Variants in NAALADL2 observed in about 807,000 individuals in gnomAD.
NAALADL2 encodes the protein inactive N-acetylated-alpha-linked acidic dipeptidase-like protein 2.
In NAALADL2, 76 loss-of-function variants were observed where a neutral mutation model predicts 87.2. The ratio of observed to expected loss-of-function variants is 0.87; its 90% CI spans 0.72 to 1.05. NAALADL2 has a LOEUF of 1.05. Among genes scored for constraint, NAALADL2 ranks in the 50% least tolerant of loss-of-function variants. The pLI, the probability that NAALADL2 is intolerant of heterozygous loss-of-function variation, is 0.00. For synonymous variants in NAALADL2, 354 were observed against 331.0 expected (o/e 1.07, Z -0.75); for missense variants, 1,089 against 945.8 (o/e 1.15, Z -1.99).
At chr3:174,926,319 A>G (rs1736031137) in intron 1 of NAALADL2, among the ~76,000 whole-genome samples, 1 of 152,212 alleles carries the variant, frequency 6.6e-6, no homozygotes, top group Non-Finnish European at 1.5e-5. Flanking sequence ...CAATCTAGCA[A>G]GGCAGGCCAA....
Position 175,161,459 on chromosome 3 carries a change from A to G in NAALADL2, c.545+64168A>G, listed in dbSNP as rs765811913. Among the ~76,000 whole-genome samples, 54 of 152,290 alleles carry G rather than the reference A, an allele frequency of 3.5e-4. 1 individual carries two copies. The highest frequency in any genetic ancestry group is 2.4e-3 in the Admixed American group (37 of 15,274). On this transcript the variant is annotated intron_variant, in intron 2 of 13. Transcript: ENST00000454872. ...ATGCTGTAAAGCTATGCCATAGATA[A>G]TTATCGAAATAGCTCCATGTTGTTG... is the stretch of plus-strand genomic sequence containing the variant.
chr3:175,291,834 A>G (rs1755674446), intron 4 of NAALADL2, among the ~76,000 whole-genome samples: 1 of 152,188 alleles, frequency 6.6e-6, no homozygotes, highest in Non-Finnish European at 1.5e-5. Flanking sequence ...CAAAGCTGCA[A>G]TTACCCAGTA....
At chr3:174,501,753 A>G (rs1453549684) in intron 1 of NAALADL2, among the ~76,000 whole-genome samples, 2 of 151,636 alleles carry the variant, frequency 1.3e-5, no homozygotes, top group African/African-American at 4.8e-5. Context: ...CTTATTTCTG[A>G]TTTCTTATAT....
chr3:175,049,299 C>A (rs146443294), intron 1 of NAALADL2, among the ~76,000 whole-genome samples: 1 of 152,138 alleles, frequency 6.6e-6, no homozygotes, highest in East Asian at 1.9e-4. Flanking sequence ...TGGGACAGAT[C>A]AAGATTTCAT....
chr3:175,135,783 T>C (rs1276169671), intron 2 of NAALADL2, among the ~76,000 whole-genome samples: 1 of 152,126 alleles, frequency 6.6e-6, no homozygotes, highest in East Asian at 1.9e-4. Flanking sequence ...CCGAGATCAA[T>C]AAAATAAGTA....
intron 1 of NAALADL2, among the ~76,000 whole-genome samples, chr3:174,884,638 C>G (rs553262775): frequency 6.6e-6 from 1 of 152,082 alleles, no homozygotes. Context: ...GGAGCTGCAA[C>G]GTTAAATGCA....
intron 1 of NAALADL2, among the ~76,000 whole-genome samples, chr3:175,046,567 T>C (rs1280615079): frequency 6.6e-6 from 1 of 152,120 alleles, no homozygotes; most frequent in Non-Finnish European, 1.5e-5. Context: ...AAAAGAGAAG[T>C]TTCTCAGAGG....
At chr3:175,718,618 C>T in intron 11 of NAALADL2, 2 of 1,593,526 alleles carry the variant, frequency 1.3e-6, no homozygotes, top group East Asian at 2.2e-5. Context: ...GTTTTTCCAA[C>T]AGTCGGAAAT....
intron 9 of NAALADL2, among the ~76,000 whole-genome samples, chr3:175,531,778 A>T (rs1734115050): frequency 6.6e-6 from 1 of 152,170 alleles, no homozygotes; most frequent in Admixed American, 6.5e-5. Flanking sequence ...AACAGCTGCA[A>T]TTGGAGTCAC....
intron 5 of NAALADL2, among the ~76,000 whole-genome samples, chr3:175,406,874 A>G (rs914897619): frequency 1.2e-4 from 18 of 151,538 alleles, no homozygotes; most frequent in South Asian, 6.2e-4. Flanking sequence ...AAAATCATAG[A>G]TTTTTGCATT....
At position 175,699,772 on chromosome 3, in the gene NAALADL2, C is replaced by T. The variant is rs564032727; in HGVS notation, c.1897-37534C>T. The stretch of plus-strand genomic sequence containing the variant: ...AAAGATATTTTTATATGCTATAGTG[C>T]TTATCATAGGATTCTTTCTCAGCAT... On this transcript the variant is annotated intron_variant, in intron 11 of 13. Transcript: ENST00000454872. Among the ~76,000 whole-genome samples, 181 of 152,210 alleles carry T rather than the reference C, an allele frequency of 1.2e-3. 1 individual carries two copies. The highest frequency in any genetic ancestry group is 4.1e-3 in the African/African-American group (171 of 41,552).
chr3:174,475,151 C>A, intron 1 of NAALADL2, among the ~76,000 whole-genome samples: 1 of 150,912 alleles, frequency 6.6e-6, no homozygotes, highest in Admixed American at 6.6e-5. Context: ...AAAAATCAAG[C>A]CACTGGTAAA....
At chr3:175,444,213 T>G (rs1433721229) in intron 5 of NAALADL2, among the ~76,000 whole-genome samples, 3 of 152,148 alleles carry the variant, frequency 2.0e-5, no homozygotes, top group Non-Finnish European at 2.9e-5. Context: ...TCCGCAATCA[T>G]GAAAACTTCG....
chr3:174,548,225 G>A (rs1383632818), intron 1 of NAALADL2, among the ~76,000 whole-genome samples: 4 of 152,088 alleles, frequency 2.6e-5, no homozygotes, highest in Non-Finnish European at 5.9e-5. Context: ...TGGTGAAACT[G>A]TATGATGGAG....
rs931703366 is a variant in NAALADL2 at position 175,659,065 on chromosome 3, C to T, written c.1896+31679C>T. On this transcript the variant is annotated intron_variant, in intron 11 of 13. Transcript: ENST00000454872. ...CATCTGTTTATTAACCATGTAACTA[C>T]GGGAAATTTAGTTAAACTCCCAAAA... Among the ~76,000 whole-genome samples the T allele has an allele frequency of 5.9e-5, 9 of 152,200 alleles. 1 individual carries two copies. The highest frequency in any genetic ancestry group is 1.9e-4 in the East Asian group (1 of 5,176).
intron 4 of NAALADL2, among the ~76,000 whole-genome samples, chr3:175,260,712 G>A (rs563180348): frequency 6.6e-6 from 1 of 152,210 alleles, no homozygotes; most frequent in African/African-American, 2.4e-5. Context: ...TTTTATTTTG[G>A]CTGTGCAGTA....
chr3:174,639,691 T>C (rs1722984659), intron 2 of NAALADL2, among the ~76,000 whole-genome samples: 1 of 152,208 alleles, frequency 6.6e-6, no homozygotes, highest in Admixed American at 6.5e-5. Context: ...CAGCTGCTTT[T>C]GCTCATGTAC....
At chr3:175,141,212 A>G (rs760684818) in intron 2 of NAALADL2, among the ~76,000 whole-genome samples, 2 of 152,042 alleles carry the variant, frequency 1.3e-5, no homozygotes, top group Admixed American at 6.6e-5. Flanking sequence ...CCTAATAACT[A>G]TCTTTCTTCT....
At chr3:175,791,597 A>G (rs1752783086) in intron 13 of NAALADL2, among the ~76,000 whole-genome samples, 1 of 152,022 alleles carries the variant, frequency 6.6e-6, no homozygotes, top group Non-Finnish European at 1.5e-5. Context: ...TCCCAATGCA[A>G]TGGTGGCAGT....
Sources: allele counts gnomAD v4.1 joint callset (sites outside exome capture counted in the v4.1 genomes callset), GRCh38; gene constraint gnomAD v4.1.1; transcripts MANE v1.5; gene names NCBI Gene and HGNC (gene_info 2026-07-23, HGNC 2026-07-21).